The following APC2 variants were observed in gnomAD, a reference collection of about 807,000 sequenced individuals.
APC2 encodes APC regulator of Wnt signaling pathway 2, also known as adenomatous polyposis coli protein 2.
In APC2, 41 loss-of-function variants were observed where a neutral mutation model predicts 72.5. That is an observed-to-expected ratio of 0.57 (90% CI 0.44 to 0.73). APC2 has a LOEUF of 0.73. Ranked by LOEUF, APC2 falls within the 30% of genes least tolerant of loss-of-function variation. The pLI is 0.00. For missense variants in APC2, 3,729 were observed against 3,403.4 expected (o/e 1.10, Z -2.38); for synonymous variants, 1,898 against 1,612.0 (o/e 1.18, Z -4.25).
rs377514527 is a variant in APC2 at position 1,456,056 on chromosome 19, C to A, written c.640-20C>A. On this transcript the variant is annotated intron_variant, in intron 6 of 14. Transcript: ENST00000590469. ...GGGCGGGGTCAGCTCCAGCACTTGC[C>A]CTCGTGTGGTCCTGAGCAGATCCGC... is the stretch of plus-strand genomic sequence containing the variant. 4.1e-5 allele frequency: 64 copies of A among 1,543,588 alleles called. 1 individual carries two copies. In the African/African-American group the frequency reaches 7.5e-4, roughly 18 times the overall value.
Position 1,465,734 on chromosome 19 carries a change from G to C in APC2, c.2433G>C (p.Leu811=). ...CCCTCTTCCTGGGCAGCCCCTTCCT[G>C]CAGGGGCAGGCGCTGGCTCGCACCC... ...ALSLFLGSPF[L]QGQALARTPP... is the part of the protein sequence containing the mutation. The change falls in exon 15 of 15, where the codon CTG becomes CTC. Residue 811 remains leucine, a synonymous_variant. Transcript: ENST00000590469. The C allele has an allele frequency of 1.9e-6, 3 of 1,548,108 alleles. 1 individual carries two copies.
At position 1,456,300 on chromosome 19, in the gene APC2, C is replaced by T. The variant is rs750540977; in HGVS notation, c.718-6C>T. The T allele has an allele frequency of 6.2e-7, 1 of 1,605,392 alleles. No individual in the cohort carries two copies. ...TGTACCCCCGACCCTGGTGCTCTCCCTGCAGGCCTTGCTGGCGGTGAAGTC... is the reference window on the plus strand; with the variant it reads ...TGTACCCCCGACCCTGGTGCTCTCCTTGCAGGCCTTGCTGGCGGTGAAGTC... On this transcript the variant is annotated splice_polypyrimidine_tract_variant and splice_region_variant and intron_variant, in intron 7 of 14. Transcript: ENST00000590469.
upstream of APC2, among the ~76,000 whole-genome samples, chr19:1,447,205 A>G (rs750785839): frequency 7.4e-4 from 113 of 152,084 alleles, 2 homozygotes; most frequent in Non-Finnish European, 1.8e-4. Flanking sequence ...GGCCGTCTCT[A>G]TCCTCCCGCG....
chr19:1,456,541 G>A (rs2083830288), intron 8 of APC2, 137 bp downstream of exon 8: 2 of 981,046 alleles, frequency 2.0e-6, no homozygotes, highest in Admixed American at 2.8e-5. Flanking sequence ...CCCCTCTGGC[G>A]TGCAGCTCAT....
At chr19:1,459,427 G>A (rs1207601423) in intron 10 of APC2, among the ~76,000 whole-genome samples, 4 of 152,172 alleles carry the variant, frequency 2.6e-5, no homozygotes, top group Admixed American at 6.5e-5. Flanking sequence ...CACAGGGCAC[G>A]CTGGGCTGAC....
chr19:1,467,797 C>G lies in APC2; in HGVS notation c.4496C>G (p.Thr1499Arg). 1 of 1,453,024 alleles carries G rather than the reference C, an allele frequency of 6.9e-7. No homozygotes were observed. The highest frequency in any genetic ancestry group is 9.0e-7 in the Non-Finnish European group (1 of 1,107,326). The allele number at this position is 1,453,024 out of a possible 1,614,324, so 90.0% of individuals were successfully genotyped here. A position where few individuals can be genotyped will look rare whatever the true frequency, so the allele number is the denominator to read the frequency against. Residue 1499 changes from threonine (T) to arginine (R), a missense_variant, in exon 15 of 15, where the codon ACG becomes AGG. Coordinates refer to ENST00000590469, the MANE Select transcript of APC2 (RefSeq NM_005883.3). ...GGGGCGCTCCAGTCGCTGTGCCTCA[C>G]GACGCCCACTGAGGAGGCCGTGTAC... ...GDGALQSLCLTTPTEEAVYCF... is the reference protein window; with the variant it reads ...GDGALQSLCLRTPTEEAVYCF...
intron 10 of APC2, 31 bp from the exon 11 acceptor site, chr19:1,460,150 G>A: frequency 6.2e-7 from 1 of 1,612,324 alleles, no homozygotes; most frequent in Non-Finnish European, 8.5e-7. Flanking sequence ...GGTCATCCCT[G>A]CCACCCACCA....
At chr19:1,460,590 G>A (rs186829056) in intron 11 of APC2, among the ~76,000 whole-genome samples, 190 bp from the exon 12 acceptor site, 7 of 152,292 alleles carry the variant, frequency 4.6e-5, no homozygotes, top group East Asian at 1.9e-4. Flanking sequence ...TCAGGGCCCC[G>A]AGGCTGGGTG....
At chr19:1,450,093 A>G (rs1424233782), upstream of APC2, 2 of 965,506 alleles carry the variant, frequency 2.1e-6, no homozygotes, top group Non-Finnish European at 2.5e-6. Flanking sequence ...TCTCACCCGC[A>G]TCCCTCATCC....
upstream of APC2, among the ~76,000 whole-genome samples, chr19:1,447,906 A>G (rs929081075): frequency 1.4e-4 from 22 of 152,096 alleles, no homozygotes; most frequent in Admixed American, 7.2e-4. Flanking sequence ...TGGATCCCCC[A>G]AACCCCTGCC....
chr19:1,460,219 T>C lies in APC2; in HGVS notation c.1342T>C (p.Tyr448His). The C allele has an allele frequency of 6.2e-7, 1 of 1,613,502 alleles. No homozygotes were observed. The change falls in exon 11 of 15, where the codon TAT (tyrosine) becomes CAT (histidine). Residue 448 changes from tyrosine to histidine, a missense_variant. Coordinates refer to ENST00000590469, the MANE Select transcript of APC2 (RefSeq NM_005883.3). ...CGTGGCAGAGCTGCTGCAGGTTGAC[T>C]ATGAGATGCACAAGATGACCCGGGA... ...QAVAELLQVD[Y>H]EMHKMTRDPL... is the part of the protein sequence containing the mutation.
chr19:1,467,936 G>A lies in APC2; in HGVS notation c.4635G>A (p.Arg1545=), dbSNP rs1458843002. 6.3e-7 allele frequency: 1 copy of A among 1,586,424 alleles called. No individual in the cohort carries two copies. The highest frequency in any genetic ancestry group is 8.5e-7 in the Non-Finnish European group (1 of 1,174,584). Residue 1545 remains arginine (R), a synonymous_variant, in exon 15 of 15, where the codon CGG becomes CGA. Transcript: ENST00000590469. The stretch of plus-strand genomic sequence containing the variant: ...TTACGCGGGAGCGTCCGCAGGGCCG[G>A]AAGGAGGCCCCTGCCCCGTCCAAGG... ...RAFTRERPQG[R]KEAPAPSKAA...
At position 1,466,942 on chromosome 19, in the gene APC2, C is replaced by T; in HGVS notation, c.3641C>T (p.Pro1214Leu). Reference protein sequence around the residue: ...QTMPPSRSKTPPLAPAPQGPP... With the variant: ...QTMPPSRSKTLPLAPAPQGPP... Reference sequence around the variant, plus strand: ...ATGCCTCCCAGCCGGAGCAAGACGCCACCGCTGGCGCCCGCGCCACAGGGT... The same window carrying T: ...ATGCCTCCCAGCCGGAGCAAGACGCTACCGCTGGCGCCCGCGCCACAGGGT... The change falls in exon 15 of 15, where the codon CCA becomes CTA. Residue 1214 changes from proline (P) to leucine (L), a missense_variant. Transcript: ENST00000590469. 1 of 1,600,674 alleles carries T rather than the reference C, an allele frequency of 6.2e-7. No homozygotes were observed. The highest frequency in any genetic ancestry group is 2.3e-5 in the East Asian group (1 of 44,422).
rs1296104293 is a variant in APC2, at chr19:1,469,850, G to C, written c.6549G>C (p.Pro2183=). Residue 2183 remains proline (P), a synonymous_variant, in exon 15 of 15, where the codon CCG becomes CCC. Transcript: ENST00000590469. ...AGGACGCCCCGGCCGGGCCCCCGCC[G>C]CGCAAGACCAGCGACGCCGTGGTCC... ...TPEDAPAGPP[P]RKTSDAVVQT... is the part of the protein sequence containing the mutation. 1 of 1,519,646 alleles carries C rather than the reference G, an allele frequency of 6.6e-7. No individual in the cohort carries two copies. Among genetic ancestry groups the C allele is most frequent in the East Asian group, 2.6e-5 (1 of 38,762 alleles). The allele number at this position is 1,519,646 out of a possible 1,614,324, so 94.1% of individuals were successfully genotyped here.
At position 1,468,265 on chromosome 19, in the gene APC2, C is replaced by G. The variant is rs772882960; in HGVS notation, c.4964C>G (p.Thr1655Ser). ...SGLRRRKPRATRLDERPAEGS... is the reference protein window; with the variant it reads ...SGLRRRKPRASRLDERPAEGS... ...CTGCGGCGCCGCAAGCCCCGAGCCA[C>G]CCGGCTGGATGAGCGGCCCGCAGAG... is the stretch of plus-strand genomic sequence containing the variant. The change falls in exon 15 of 15, where the codon ACC becomes AGC. Residue 1655 changes from threonine to serine, a missense_variant. Coordinates refer to ENST00000590469, the MANE Select transcript of APC2 (RefSeq NM_005883.3). 2 of 1,528,628 alleles carry G rather than the reference C, an allele frequency of 1.3e-6. No individual in the cohort carries two copies. Among genetic ancestry groups the G allele is most frequent in the South Asian group, 1.2e-5 (1 of 82,010 alleles). The allele number at this position is 1,528,628 out of a possible 1,614,324, so 94.7% of individuals were successfully genotyped here. A position where few individuals can be genotyped will look rare whatever the true frequency, so the allele number is the denominator to read the frequency against.
intron 14 of APC2, among the ~76,000 whole-genome samples, chr19:1,464,632 CTTTTT>C (rs1010096440): frequency 3.2e-5 from 4 of 123,716 alleles, no homozygotes; most frequent in Admixed American, 8.1e-5. Flanking sequence ...CTGTTTTTTC[CTTTTT>C]TTTTTTTTTT....
At position 1,466,099 on chromosome 19, in the gene APC2, G is replaced by C; in HGVS notation, c.2798G>C (p.Ser933Thr). 1 of 1,542,552 alleles carries C rather than the reference G, an allele frequency of 6.5e-7. No homozygotes were observed. Among genetic ancestry groups the C allele is most frequent in the South Asian group, 1.2e-5 (1 of 83,748 alleles). Residue 933 changes from serine to threonine, a missense_variant, in exon 15 of 15, where the codon AGC becomes ACC. Ser to Thr is a moderately conservative substitution (Grantham distance 58). Transcript: ENST00000590469. ...SNDSLNSGSA[S>T]DGYCPREHML... ...GACAGCCTCAACAGCGGCAGTGCCAGCGACGGGTACTGCCCACGCGAACAT... is the reference window on the plus strand; with the variant it reads ...GACAGCCTCAACAGCGGCAGTGCCACCGACGGGTACTGCCCACGCGAACAT...
intron 8 of APC2, 54 bp from the exon 9 acceptor site, chr19:1,456,799 C>G (rs2083834882): frequency 5.8e-6 from 9 of 1,552,132 alleles, no homozygotes; most frequent in Non-Finnish European, 7.8e-6. Context: ...ACCGGGTTTC[C>G]AGGTGTGCGG....
chr19:1,461,340 T>C, intron 13 of APC2, 187 bp downstream of exon 13: 1 of 613,008 alleles, frequency 1.6e-6, no homozygotes, highest in Non-Finnish European at 2.9e-6. Context: ...AAATGTGGGC[T>C]GGGCGCCGTG....
Sources: gnomAD v4.1 joint callset for allele counts (sites outside exome capture counted in the v4.1 genomes callset) on GRCh38, gnomAD v4.1.1 for gene constraint, MANE v1.5 for transcripts, NCBI Gene and HGNC (gene_info 2026-07-23, HGNC 2026-07-21) for gene names.